Variants in MYO9A observed in about 807,000 individuals in gnomAD.
MYO9A encodes unconventional myosin-IXa.
A neutral mutation model predicts 293.3 loss-of-function variants in MYO9A; 103 were observed. The ratio of observed to expected loss-of-function variants is 0.35; its 90% CI spans 0.30 to 0.41. MYO9A has a LOEUF of 0.41. Among genes scored for constraint, MYO9A ranks in the 10% least tolerant of loss-of-function variants. The probability of loss-of-function intolerance (pLI) is 1.00; values close to 1 mark genes in which losing one functional copy is unlikely to be tolerated. For synonymous variants in MYO9A, 1,001 were observed against 1,035.7 expected, an observed-to-expected ratio of 0.97 and a Z score of 0.64; for missense variants, 2,685 against 3,033.0, an observed-to-expected ratio of 0.89 and a Z score of 2.69.
At chr15:71,829,431 G>C (rs751038608) in intron 40 of MYO9A, among the ~76,000 whole-genome samples, 1 of 151,988 alleles carries the variant, frequency 6.6e-6, no homozygotes, top group Non-Finnish European at 1.5e-5. Flanking sequence ...CACCTGTAGG[G>C]AGAACCATGG....
chr15:72,017,010 CTTTTTT>C (rs61153023), intron 6 of MYO9A, among the ~76,000 whole-genome samples: 40 of 58,284 alleles, frequency 6.9e-4, no homozygotes, highest in South Asian at 2.5e-3. Flanking sequence ...GAGCCCAAAT[CTTTTTT>C]TTTTTTTTTT....
At chr15:72,071,738 C>A (rs1276342415) in intron 1 of MYO9A, among the ~76,000 whole-genome samples, 2 of 146,380 alleles carry the variant, frequency 1.4e-5, no homozygotes, top group Non-Finnish European at 3.0e-5. Context: ...CTGGGCGACA[C>A]AGCGAGACTC....
intron 11 of MYO9A, among the ~76,000 whole-genome samples, chr15:71,989,846 T>C (rs1248622823): frequency 1.3e-5 from 2 of 151,954 alleles, no homozygotes; most frequent in Non-Finnish European, 2.9e-5. Context: ...GGCAACATAG[T>C]GACACCTTGT....
At chr15:72,088,689 A>T (rs2079816358) in intron 1 of MYO9A, among the ~76,000 whole-genome samples, 4 of 152,174 alleles carry the variant, frequency 2.6e-5, no homozygotes, top group South Asian at 4.1e-4. Context: ...GTCAGTAAAA[A>T]ATATATATAT....
intron 16 of MYO9A, among the ~76,000 whole-genome samples, chr15:71,937,661 A>C (rs1204063907): frequency 1.3e-5 from 2 of 152,128 alleles, no homozygotes; most frequent in Non-Finnish European, 2.9e-5. Flanking sequence ...GGTGGTCTGG[A>C]ACTGAACCAG....
chr15:71,954,135 C>T lies in MYO9A; in HGVS notation c.2183-2239G>A, dbSNP rs1410186059. Among the ~76,000 whole-genome samples the T allele has an allele frequency of 3.9e-5, 6 of 152,148 alleles. No homozygotes were observed. The East Asian group carries it at 1.2e-3, about 29-fold the overall frequency. On this transcript the variant is annotated intron_variant, in intron 14 of 41. Coordinates refer to ENST00000356056, the MANE Select transcript of MYO9A (RefSeq NM_006901.4). Reference sequence around the variant, plus strand: ...GGTCTCGACCTCCTGACCTCGTGACCTGCCTGCCTCAACTTCCCAAAGTGC... The same window carrying T: ...GGTCTCGACCTCCTGACCTCGTGACTTGCCTGCCTCAACTTCCCAAAGTGC...
At chr15:72,010,537 A>T in intron 6 of MYO9A, 90 bp from the exon 7 acceptor site, 1 of 1,135,886 alleles carries the variant, frequency 8.8e-7, no homozygotes, top group African/African-American at 1.6e-5. Context: ...TAGGATAGGT[A>T]CCTGTATGTA....
chr15:71,963,250 A>G (rs2075788002), intron 13 of MYO9A, among the ~76,000 whole-genome samples: 1 of 151,952 alleles, frequency 6.6e-6, no homozygotes, highest in Non-Finnish European at 1.5e-5. Context: ...TGCCCAGCTA[A>G]CCATTGGTAT....
chr15:71,944,922 A>T (rs922118653), intron 15 of MYO9A, among the ~76,000 whole-genome samples: 5 of 152,166 alleles, frequency 3.3e-5, no homozygotes, highest in African/African-American at 4.8e-5. Flanking sequence ...AATCTGAGAG[A>T]GAGCTGCATC....
intron 33 of MYO9A, among the ~76,000 whole-genome samples, chr15:71,860,574 T>C (rs1251916066): frequency 6.6e-6 from 1 of 150,780 alleles, no homozygotes; most frequent in Non-Finnish European, 1.5e-5. Context: ...ATATAACTTG[T>C]AGGCTTTTGA....
At chr15:71,893,928 A>T in intron 25 of MYO9A, 150 bp from the exon 26 acceptor site, 1 of 659,390 alleles carries the variant, frequency 1.5e-6, no homozygotes, top group South Asian at 2.0e-5. Context: ...TTAGCTAATT[A>T]GTAATAATAA....
intron 2 of MYO9A, among the ~76,000 whole-genome samples, chr15:72,035,505 G>T (rs1006471993): frequency 6.6e-6 from 1 of 152,170 alleles, no homozygotes. Flanking sequence ...CTGAATGAGA[G>T]AAATCAGTCT....
rs1158720111 is a variant in MYO9A, at chr15:71,991,164, A to C, written c.1661T>G (p.Ile554Ser). ...CTGTAAACGTTCATTAGCAAAATTA[A>C]TACAGAACTGTTCAAAGCTGTTATT... ...YENNSFEQFC[I>S]NFANERLQHY... is the part of the protein sequence containing the mutation. The change falls in exon 11 of 42, where the codon ATT (isoleucine) becomes AGT (serine). Residue 554 changes from isoleucine to serine, a missense_variant. Physicochemically the swap from Ile to Ser is moderately radical, Grantham distance 142. Around this residue, in one of 10 missense-constraint regions of MYO9A, gnomAD observed 201 missense variants for 245.2 expected, o/e 0.82. Coordinates refer to ENST00000356056, the MANE Select transcript of MYO9A (RefSeq NM_006901.4). 66 of 1,609,702 alleles carry C rather than the reference A, an allele frequency of 4.1e-5. No individual in the cohort carries two copies. The highest frequency in any genetic ancestry group is 5.5e-5 in the Non-Finnish European group (65 of 1,177,854).
chr15:71,833,474 TTAAAG>T (rs1224056234), intron 39 of MYO9A, among the ~76,000 whole-genome samples: 1 of 151,922 alleles, frequency 6.6e-6, no homozygotes, highest in African/African-American at 2.4e-5. Context: ...TTCAAAAAAT[TTAAAG>T]TAAAATATTG....
At chr15:71,905,761 TCAAAAAA>T (rs1455493904) in intron 19 of MYO9A, among the ~76,000 whole-genome samples, 2 of 5,964 alleles carry the variant, frequency 3.4e-4, no homozygotes. Flanking sequence ...AGACTCTGTC[TCAAAAAA>T]AAAAAAAAAA....
chr15:71,834,170 C>T (rs2054843107), intron 39 of MYO9A, among the ~76,000 whole-genome samples: 1 of 151,792 alleles, frequency 6.6e-6, no homozygotes, highest in Non-Finnish European at 1.5e-5. Flanking sequence ...ATCCTGTAGA[C>T]CCAAAGAGGA....
chr15:71,919,992 G>T (rs1227773699), intron 18 of MYO9A, among the ~76,000 whole-genome samples: 1 of 152,040 alleles, frequency 6.6e-6, no homozygotes, highest in Non-Finnish European at 1.5e-5. Flanking sequence ...AGACTCTGTT[G>T]TAAGTGCTAA....
intron 15 of MYO9A, 92 bp downstream of exon 15, chr15:71,951,685 T>C: frequency 2.0e-6 from 3 of 1,501,866 alleles, no homozygotes; most frequent in Non-Finnish European, 2.7e-6. Flanking sequence ...ATGTTGCCCA[T>C]ACAATCTATA....
At chr15:71,929,768 A>G (rs2145615949) in intron 18 of MYO9A, among the ~76,000 whole-genome samples, 2 of 152,338 alleles carry the variant, frequency 1.3e-5, no homozygotes, top group East Asian at 3.9e-4. Flanking sequence ...GTACAGGTGC[A>G]TGTGTTTTTG....
Sources: gnomAD v4.1 joint callset for allele counts (sites outside exome capture counted in the v4.1 genomes callset) on GRCh38, gnomAD v4.1.1 for gene constraint, gnomAD v4.1.1 regional missense constraint, MANE v1.5 for transcripts, NCBI Gene and HGNC (gene_info 2026-07-23, HGNC 2026-07-21) for gene names.